The following RARB variants were observed in gnomAD, a reference collection of about 807,000 sequenced individuals.
The protein encoded by RARB is retinoic acid receptor beta.
RARB carries 17 observed loss-of-function variants against 51.9 expected under a neutral mutation model. The observed-to-expected ratio is 0.33, with a 90% CI of 0.22 to 0.49. RARB has a LOEUF of 0.49. RARB is among the 20% of genes least tolerant of loss of function. The probability of loss-of-function intolerance (pLI) is 0.99; values close to 1 mark genes in which losing one functional copy is unlikely to be tolerated. For synonymous variants in RARB, 215 were observed against 195.4 expected (o/e 1.10, Z -0.84); for missense variants, 369 against 550.8 (o/e 0.67, Z 3.30).
chr3:25,419,847 C>T (rs1383044128), intron 5 of RARB, among the ~76,000 whole-genome samples: 2 of 152,184 alleles, frequency 1.3e-5, no homozygotes, highest in South Asian at 2.1e-4. Context: ...CATTTTGAAA[C>T]TGTTGCCTTC....
chr3:25,202,140 A>G (rs907689673), intron 5 of RARB, among the ~76,000 whole-genome samples: 1 of 152,140 alleles, frequency 6.6e-6, no homozygotes, highest in Admixed American at 6.5e-5. Context: ...CAGAGATTCA[A>G]CTTCTTCCTG....
intron 2 of RARB, among the ~76,000 whole-genome samples, chr3:25,050,045 G>A (rs6550941): frequency 0.71 from 107,166 of 151,682 alleles, 38,187 homozygotes; most frequent in Non-Finnish European, 0.73. Context: ...TATTTAATCC[G>A]GATTTTAAAG....
intron 5 of RARB, among the ~76,000 whole-genome samples, chr3:25,374,434 C>A (rs1349132981): frequency 1.3e-5 from 2 of 152,050 alleles, no homozygotes; most frequent in African/African-American, 2.4e-5. Flanking sequence ...TGCCCTGATA[C>A]CAGCAATAGT....
intron 2 of RARB, among the ~76,000 whole-genome samples, chr3:24,864,442 T>G (rs919718494): frequency 3.3e-5 from 5 of 152,208 alleles, no homozygotes; most frequent in African/African-American, 1.2e-4. Flanking sequence ...GCTGGGGCAA[T>G]GTTGTTTGCA....
At chr3:25,377,432 T>C (rs985794156) in intron 5 of RARB, among the ~76,000 whole-genome samples, 1 of 152,246 alleles carries the variant, frequency 6.6e-6, no homozygotes, top group Admixed American at 6.5e-5. Context: ...TCTTACATGC[T>C]GGGCATGGCA....
intron 2 of RARB, among the ~76,000 whole-genome samples, chr3:25,012,688 A>G (rs1361572211): frequency 6.6e-6 from 1 of 152,128 alleles, no homozygotes; most frequent in African/African-American, 2.4e-5. Context: ...TATTTCCTTT[A>G]GTTAGCTGGA....
At chr3:24,908,668 T>TTG (rs1329397478) in intron 2 of RARB, among the ~76,000 whole-genome samples, 1 of 122,014 alleles carries the variant, frequency 8.2e-6, no homozygotes, top group Non-Finnish European at 1.7e-5. Context: ...CAACTGTTTT[T>TTG]TTTTTTTTTT....
chr3:24,980,671 T>G (rs981376850), intron 2 of RARB, among the ~76,000 whole-genome samples: 1 of 152,174 alleles, frequency 6.6e-6, no homozygotes, highest in African/African-American at 2.4e-5. Context: ...CGTCTAACCT[T>G]TTTTCATGGT....
chr3:25,394,414 A>G (rs1707059147), intron 5 of RARB, among the ~76,000 whole-genome samples: 1 of 152,112 alleles, frequency 6.6e-6, no homozygotes, highest in Non-Finnish European at 1.5e-5. Flanking sequence ...TGTTAAGTTC[A>G]TTTGTTCTAA....
chr3:25,203,527 T>G (rs1046296830), intron 5 of RARB, among the ~76,000 whole-genome samples: 2 of 152,142 alleles, frequency 1.3e-5, no homozygotes, highest in Admixed American at 6.6e-5. Context: ...TTCCTAGCCT[T>G]GATGGTCTTT....
intron 2 of RARB, among the ~76,000 whole-genome samples, chr3:24,866,373 A>G (rs1317956751): frequency 1.3e-5 from 2 of 152,138 alleles, no homozygotes; most frequent in African/African-American, 4.8e-5. Flanking sequence ...ACTTTAGCAT[A>G]GAAGCCTCAT....
chr3:25,578,344 C>G (rs1267896849), intron 4 of RARB, among the ~76,000 whole-genome samples: 1 of 152,210 alleles, frequency 6.6e-6, no homozygotes, highest in Non-Finnish European at 1.5e-5. Context: ...ATTTACATGC[C>G]GTTAAGACGG....
chr3:25,463,891 G>A (rs1021416778), intron 2 of RARB, among the ~76,000 whole-genome samples: 3 of 152,126 alleles, frequency 2.0e-5, no homozygotes, highest in African/African-American at 7.2e-5. Context: ...TTCTGACATG[G>A]TAGTCAGGAA....
At chr3:25,032,673 T>C (rs1446333900) in intron 2 of RARB, among the ~76,000 whole-genome samples, 1 of 152,156 alleles carries the variant, frequency 6.6e-6, no homozygotes, top group Non-Finnish European at 1.5e-5. Flanking sequence ...TTATATACTG[T>C]TGGTGAAAGT....
intron 2 of RARB, among the ~76,000 whole-genome samples, chr3:25,032,789 C>A (rs940875182): frequency 1.3e-5 from 2 of 152,130 alleles, no homozygotes; most frequent in African/African-American, 4.8e-5. Context: ...TAGTAACTTG[C>A]CTTCTAAGAA....
At chr3:25,455,130 G>T (rs534889736) in intron 1 of RARB, among the ~76,000 whole-genome samples, 5 of 152,300 alleles carry the variant, frequency 3.3e-5, no homozygotes, top group South Asian at 4.1e-4. Flanking sequence ...GTGCCCGTCC[G>T]CAAGGAGAGA....
At chr3:24,855,416 C>T (rs1023094172) in intron 1 of RARB, among the ~76,000 whole-genome samples, 3 of 152,154 alleles carry the variant, frequency 2.0e-5, no homozygotes, top group African/African-American at 7.2e-5. Context: ...AATGAATTAA[C>T]TTACCTCGTT....
intron 4 of RARB, among the ~76,000 whole-genome samples, chr3:25,140,792 C>T (rs1178403763): frequency 6.6e-6 from 1 of 152,070 alleles, no homozygotes; most frequent in Non-Finnish European, 1.5e-5. Flanking sequence ...TAAGAAATTG[C>T]CACAGCCACC....
chr3:24,962,105 A>G (rs1220809602), intron 2 of RARB, among the ~76,000 whole-genome samples: 1 of 151,428 alleles, frequency 6.6e-6, no homozygotes, highest in Non-Finnish European at 1.5e-5. Flanking sequence ...GATTTTTTCT[A>G]TTTTTAGTAG....
Sources: allele counts gnomAD v4.1 joint callset (sites outside exome capture counted in the v4.1 genomes callset), GRCh38; gene constraint gnomAD v4.1.1; transcripts MANE v1.5; gene names NCBI Gene and HGNC (gene_info 2026-07-23, HGNC 2026-07-21).